Variants in DNAJC5B observed in about 807,000 individuals in gnomAD.
DNAJC5B encodes the protein DnaJ heat shock protein family (Hsp40) member C5 beta.
DNAJC5B carries 23 observed loss-of-function variants against 24.7 expected under a neutral mutation model. That is an observed-to-expected ratio of 0.93 (90% CI 0.67 to 1.32). DNAJC5B has a LOEUF of 1.32. Ranked by LOEUF, DNAJC5B falls within the 40% of genes most tolerant of loss-of-function variation. DNAJC5B has a pLI of 0.00. For missense variants in DNAJC5B, 238 were observed against 240.8 expected (o/e 0.99, Z 0.08); for synonymous variants, 101 against 90.1 (o/e 1.12, Z -0.68).
At position 66,085,429 on chromosome 8, in the gene DNAJC5B, G is replaced by A. The variant is rs1586113371; in HGVS notation, c.505+4881G>A. Among the ~76,000 whole-genome samples, 4 of 152,160 alleles carry A rather than the reference G, an allele frequency of 2.6e-5. No homozygotes were observed. In the East Asian group the frequency reaches 7.7e-4, roughly 29 times the overall value. On this transcript the variant is annotated intron_variant, in intron 5 of 5. Coordinates refer to ENST00000276570, the MANE Select transcript of DNAJC5B (RefSeq NM_033105.6). ...CACTCCAGCCTGGGTGATAGAGCAA[G>A]ACTCCATCTCAAAAAAATAAAAATA...
At chr8:66,049,895 T>C (rs1255867007) in intron 2 of DNAJC5B, among the ~76,000 whole-genome samples, 2 of 152,194 alleles carry the variant, frequency 1.3e-5, no homozygotes, top group East Asian at 3.8e-4. Flanking sequence ...AGTCATGACA[T>C]CTCTTTTATT....
intron 3 of DNAJC5B, among the ~76,000 whole-genome samples, chr8:66,058,198 A>G (rs1386943478): frequency 6.6e-6 from 1 of 152,204 alleles, no homozygotes; most frequent in Admixed American, 6.5e-5. Flanking sequence ...GTATTCCACG[A>G]CATGGATGTC....
intron 5 of DNAJC5B, among the ~76,000 whole-genome samples, chr8:66,082,982 T>G (rs1807630286): frequency 6.6e-6 from 1 of 151,580 alleles, no homozygotes; most frequent in African/African-American, 2.4e-5. Flanking sequence ...GCAATAATTT[T>G]GTAATATTTT....
intron 5 of DNAJC5B, among the ~76,000 whole-genome samples, chr8:66,098,732 C>T (rs7008244): frequency 0.17 from 26,225 of 151,982 alleles, 3,882 homozygotes; most frequent in African/African-American, 0.41. Context: ...TTCTACTTCA[C>T]TAATTCTTTC....
At chr8:66,065,020 T>C (rs146122547) in intron 3 of DNAJC5B, among the ~76,000 whole-genome samples, 2 of 152,338 alleles carry the variant, frequency 1.3e-5, no homozygotes, top group African/African-American at 4.8e-5. Flanking sequence ...TAATTCCTCA[T>C]AAAGTCAAGT....
intron 3 of DNAJC5B, among the ~76,000 whole-genome samples, chr8:66,064,152 G>A (rs1468950216): frequency 6.6e-6 from 1 of 152,202 alleles, no homozygotes; most frequent in Non-Finnish European, 1.5e-5. Flanking sequence ...TAGAAAAATA[G>A]GTCCTATTAG....
upstream of DNAJC5B, among the ~76,000 whole-genome samples, chr8:66,016,616 A>C (rs184236052): frequency 3.9e-5 from 6 of 152,130 alleles, no homozygotes; most frequent in African/African-American, 1.4e-4. Context: ...TGATTTAGTC[A>C]CTCTGCAAAA....
intron 3 of DNAJC5B, among the ~76,000 whole-genome samples, chr8:66,072,978 G>A (rs934507122): frequency 6.6e-6 from 1 of 152,134 alleles, no homozygotes; most frequent in Non-Finnish European, 1.5e-5. Context: ...TTCAGAAGAA[G>A]GACACCTGTT....
intron 4 of DNAJC5B, among the ~76,000 whole-genome samples, chr8:66,077,536 T>C (rs1270422411): frequency 1.3e-5 from 2 of 152,218 alleles, no homozygotes; most frequent in Non-Finnish European, 2.9e-5. Flanking sequence ...TGTTTGGTGA[T>C]GGTTTTTATT....
intron 2 of DNAJC5B, among the ~76,000 whole-genome samples, chr8:66,044,657 T>C (rs1788115460): frequency 6.6e-6 from 1 of 152,182 alleles, no homozygotes; most frequent in African/African-American, 2.4e-5. Context: ...GGTTTGGTAG[T>C]CACTCTATAG....
chr8:66,066,113 C>A (rs530381601), intron 3 of DNAJC5B, among the ~76,000 whole-genome samples: 5 of 152,106 alleles, frequency 3.3e-5, no homozygotes, highest in Non-Finnish European at 5.9e-5. Flanking sequence ...AAATGGCCAA[C>A]AAACATATTT....
intron 3 of DNAJC5B, among the ~76,000 whole-genome samples, chr8:66,070,608 G>A (rs1807324953): frequency 6.6e-6 from 1 of 152,188 alleles, no homozygotes; most frequent in South Asian, 2.1e-4. Flanking sequence ...TCAATATTGT[G>A]AAAATGGCCA....
intron 3 of DNAJC5B, among the ~76,000 whole-genome samples, chr8:66,063,497 T>C (rs1807126453): frequency 6.6e-6 from 1 of 152,224 alleles, no homozygotes; most frequent in Admixed American, 6.5e-5. Context: ...CTAATTTGCT[T>C]CCTGAGTTCT....
intron 1 of DNAJC5B, among the ~76,000 whole-genome samples, chr8:66,035,955 TGTGG>T (rs1806475026): frequency 6.6e-6 from 1 of 152,198 alleles, no homozygotes; most frequent in Admixed American, 6.5e-5. Context: ...TGCCAAGTAT[TGTGG>T]GTCATGCTTC....
chr8:66,097,603 A>T (rs1312201528), intron 5 of DNAJC5B, among the ~76,000 whole-genome samples: 1 of 151,622 alleles, frequency 6.6e-6, no homozygotes, highest in Non-Finnish European at 1.5e-5. Flanking sequence ...TTCTGCCTGA[A>T]TTATATCTCT....
intron 3 of DNAJC5B, among the ~76,000 whole-genome samples, chr8:66,062,311 G>A (rs1807100754): frequency 6.6e-6 from 1 of 152,186 alleles, no homozygotes; most frequent in Non-Finnish European, 1.5e-5. Flanking sequence ...AAACAGAGGA[G>A]GGGCAGATCA....
intron 1 of DNAJC5B, among the ~76,000 whole-genome samples, chr8:66,028,864 T>C (rs1250434678): frequency 2.0e-5 from 3 of 152,232 alleles, no homozygotes; most frequent in African/African-American, 7.2e-5. Flanking sequence ...TTTTTCCCGT[T>C]GTTTATAAAA....
chr8:66,059,241 T>A (rs1212742206), intron 3 of DNAJC5B, among the ~76,000 whole-genome samples: 1 of 152,250 alleles, frequency 6.6e-6, no homozygotes, highest in Non-Finnish European at 1.5e-5. Context: ...AGTGTTTGCA[T>A]GAGATAAGCA....
chr8:66,098,641 T>G lies in DNAJC5B; in HGVS notation c.506-1296T>G, dbSNP rs140998201. Among the ~76,000 whole-genome samples, 405 of 152,212 alleles carry G rather than the reference T, an allele frequency of 2.7e-3. 4 individuals are homozygous for G. The highest frequency in any genetic ancestry group is 9.4e-3 in the African/African-American group (389 of 41,540). The stretch of plus-strand genomic sequence containing the variant: ...ATGTTAGATATGTTAGACCTTATAA[T>G]TCTATCCATCATGTCCTTTGACCTC... On this transcript the variant is annotated intron_variant, in intron 5 of 5. Coordinates refer to ENST00000276570, the MANE Select transcript of DNAJC5B (RefSeq NM_033105.6).
Sources: allele counts gnomAD v4.1 joint callset (sites outside exome capture counted in the v4.1 genomes callset), GRCh38; gene constraint gnomAD v4.1.1; transcripts MANE v1.5; gene names NCBI Gene and HGNC (gene_info 2026-07-23, HGNC 2026-07-21).